CDH6: variants seen among roughly 807,000 people sequenced by gnomAD.
The protein encoded by CDH6 is cadherin 6.
Under a neutral mutation model 78.0 loss-of-function variants are expected in CDH6, and 31 were observed. The observed-to-expected ratio is 0.40, with a 90% CI of 0.30 to 0.54. The LOEUF (loss-of-function observed/expected upper bound fraction) is 0.54, where lower values mean the gene tolerates loss of function less well. Ranked by LOEUF, CDH6 falls within the 20% of genes least tolerant of loss-of-function variation. The probability of loss-of-function intolerance (pLI) is 0.56; values close to 1 mark genes in which losing one functional copy is unlikely to be tolerated. For synonymous variants in CDH6, 376 were observed against 368.8 expected (o/e 1.02, Z -0.23); for missense variants, 724 against 975.9 (o/e 0.74, Z 3.44).
At chr5:31,310,894 A>AT (rs557124122) in intron 7 of CDH6, among the ~76,000 whole-genome samples, 7 of 151,456 alleles carry the variant, frequency 4.6e-5, no homozygotes, top group African/African-American at 1.7e-4. Context: ...CCATAAAACC[A>AT]TTTTTTTTCC....
chr5:31,249,751 G>A (rs1741858728), intron 1 of CDH6: 1 of 152,210 alleles, frequency 6.6e-6, no homozygotes. Context: ...TTTAAGAAAT[G>A]GGCAGGCCCT....
intron 6 of CDH6, among the ~76,000 whole-genome samples, chr5:31,302,920 AAAG>A (rs1737848428): frequency 8.3e-6 from 1 of 120,596 alleles, no homozygotes; most frequent in African/African-American, 2.8e-5. Flanking sequence ...AGAAAGAAAG[AAAG>A]AAAGAAAGAA....
At chr5:31,217,763 A>C (rs926171102) in intron 1 of CDH6, among the ~76,000 whole-genome samples, 3 of 152,190 alleles carry the variant, frequency 2.0e-5, no homozygotes, top group Non-Finnish European at 2.9e-5. Flanking sequence ...TCTAGGAGTA[A>C]GAGAATAAAT....
chr5:31,209,628 G>T (rs1242917321), intron 1 of CDH6, among the ~76,000 whole-genome samples: 2 of 152,116 alleles, frequency 1.3e-5, no homozygotes, highest in African/African-American at 4.8e-5. Flanking sequence ...TTTTCAGCTG[G>T]TATATTGGGA....
chr5:31,317,818 C>A lies in CDH6; in HGVS notation c.1776C>A (p.Asp592Glu). 1 of 1,614,138 alleles carries A rather than the reference C, an allele frequency of 6.2e-7. No individual in the cohort carries two copies. The highest frequency in any genetic ancestry group is 8.5e-7 in the Non-Finnish European group (1 of 1,179,994). The part of the protein sequence containing the change: ...GTVTVRVCAC[D>E]HHGNMQSCHA... ...TGACTGTCCGGGTCTGTGCATGTGA[C>A]CACCACGGGAACATGCAATCCTGCC... Residue 592 changes from aspartate to glutamate, a missense_variant, in exon 11 of 12, where the codon GAC (aspartate) becomes GAA (glutamate). By Grantham distance (45) the Asp-to-Glu change is conservative. Coordinates refer to ENST00000265071, the MANE Select transcript of CDH6 (RefSeq NM_004932.4).
intron 1 of CDH6, among the ~76,000 whole-genome samples, chr5:31,264,377 T>G (rs1176594487): frequency 6.6e-6 from 1 of 152,214 alleles, no homozygotes; most frequent in Non-Finnish European, 1.5e-5. Context: ...ATGGTTTGCA[T>G]GTAATGCCTC....
At chr5:31,297,224 T>C in intron 3 of CDH6, 65 bp from the exon 4 acceptor site, 3 of 1,383,684 alleles carry the variant, frequency 2.2e-6, no homozygotes, top group Non-Finnish European at 3.1e-6. Flanking sequence ...GTGCTGGTTT[T>C]GGTGTGTGTC....
chr5:31,242,962 C>G (rs1353034132), intron 1 of CDH6, among the ~76,000 whole-genome samples: 1 of 152,096 alleles, frequency 6.6e-6, no homozygotes, highest in Non-Finnish European at 1.5e-5. Context: ...TTCTATCACT[C>G]TAAGTCTTTG....
intron 7 of CDH6, among the ~76,000 whole-genome samples, chr5:31,307,948 C>T (rs1198099484): frequency 6.6e-6 from 1 of 151,990 alleles, no homozygotes; most frequent in Non-Finnish European, 1.5e-5. Flanking sequence ...TTGCTGCCAG[C>T]CTTTCCTTGG....
chr5:31,222,810 C>G (rs903960032), intron 1 of CDH6, among the ~76,000 whole-genome samples: 18 of 152,112 alleles, frequency 1.2e-4, no homozygotes, highest in African/African-American at 4.1e-4. Flanking sequence ...AAAAATAAAA[C>G]TAAGCCAATC....
chr5:31,267,915 C>T (rs1235579299), intron 2 of CDH6, among the ~76,000 whole-genome samples: 2 of 151,964 alleles, frequency 1.3e-5, no homozygotes, highest in East Asian at 3.9e-4. Context: ...AGAGAAAATG[C>T]TCCAGTTGAA....
At chr5:31,305,878 C>T (rs1737978470) in intron 7 of CDH6, among the ~76,000 whole-genome samples, 1 of 150,842 alleles carries the variant, frequency 6.6e-6, no homozygotes, top group African/African-American at 2.4e-5. Flanking sequence ...TTTTTATTTC[C>T]AGTTGGTTGA....
chr5:31,321,619 C>G (rs146544747), intron 11 of CDH6, among the ~76,000 whole-genome samples: 3,204 of 152,188 alleles, frequency 0.021, 53 homozygotes, highest in Non-Finnish European at 0.028. Context: ...ATTATTAATA[C>G]TAATGAAATT....
chr5:31,221,590 C>T (rs1187559984), intron 1 of CDH6, among the ~76,000 whole-genome samples: 1 of 151,966 alleles, frequency 6.6e-6, no homozygotes, highest in African/African-American at 2.4e-5. Flanking sequence ...ATTGATGACT[C>T]GTGGAAGAAA....
intron 1 of CDH6, among the ~76,000 whole-genome samples, chr5:31,266,874 C>T (rs899038104): frequency 3.0e-4 from 45 of 152,304 alleles, no homozygotes; most frequent in Non-Finnish European, 5.1e-4. Context: ...TGACTCACGC[C>T]TGGCACATCT....
chr5:31,267,488 C>G lies in CDH6; in HGVS notation c.15C>G (p.Arg5=), dbSNP rs560643887. 83 of 1,613,890 alleles carry G rather than the reference C, an allele frequency of 5.1e-5. No individual in the cohort carries two copies. Among genetic ancestry groups the G allele is most frequent in the Admixed American group, 2.7e-4 (16 of 59,998 alleles). The change falls in exon 2 of 12, where the codon CGC becomes CGG. Residue 5 remains arginine, a synonymous_variant. Transcript: ENST00000265071. MRTY[R]YFLLLFWVGQ... Reference sequence around the variant, plus strand: ...GTGCCATCAGCATGAGAACTTACCGCTACTTCTTGCTGCTCTTTTGGGTGG... The same window carrying G: ...GTGCCATCAGCATGAGAACTTACCGGTACTTCTTGCTGCTCTTTTGGGTGG...
chr5:31,325,849 A>G lies in CDH6; in HGVS notation c.*2541A>G. ...TTGGATAATTTGAGACTGGGGCTAAATATTTAGTACCAGGGTACTGTAAGT... is the reference window on the plus strand; with the variant it reads ...TTGGATAATTTGAGACTGGGGCTAAGTATTTAGTACCAGGGTACTGTAAGT... On this transcript the variant is annotated 3_prime_UTR_variant, in exon 12 of 12. Transcript: ENST00000265071. The G allele has an allele frequency of 4.3e-6, 1 of 231,516 alleles. No homozygotes were observed. Among genetic ancestry groups the G allele is most frequent in the East Asian group, 6.1e-5 (1 of 16,294 alleles). 14.3% of individuals were successfully genotyped at this position (231,516 alleles called of 1,614,324 possible).
Position 31,323,400 on chromosome 5 carries a change from G to C in CDH6, c.*92G>C. 7.1e-7 allele frequency: 1 copy of C among 1,402,624 alleles called. No homozygotes were observed. Among genetic ancestry groups the C allele is most frequent in the African/African-American group, 1.4e-5 (1 of 69,504 alleles). 86.9% of individuals were successfully genotyped at this position (1,402,624 alleles called of 1,614,324 possible). ...TCCACTACTCCGTGAAGGCTTCTCTGTTCTACCCGTTCCAAAAGCCAATGG... is the reference window on the plus strand; with the variant it reads ...TCCACTACTCCGTGAAGGCTTCTCTCTTCTACCCGTTCCAAAAGCCAATGG... On this transcript the variant is annotated 3_prime_UTR_variant, in exon 12 of 12. Transcript: ENST00000265071.
chr5:31,279,852 C>G (rs1175710572), intron 2 of CDH6, among the ~76,000 whole-genome samples: 1 of 152,144 alleles, frequency 6.6e-6, no homozygotes, highest in Non-Finnish European at 1.5e-5. Flanking sequence ...TTCTGTCTAT[C>G]CTCCCAACCA....
Sources: allele counts gnomAD v4.1 joint callset (sites outside exome capture counted in the v4.1 genomes callset), GRCh38; gene constraint gnomAD v4.1.1; transcripts MANE v1.5; gene names NCBI Gene and HGNC (gene_info 2026-07-23, HGNC 2026-07-21).